Variants in CCAR1 observed in about 807,000 individuals in gnomAD.
CCAR1 encodes the protein cell division cycle and apoptosis regulator 1, also known as cell division cycle and apoptosis regulator protein 1.
A neutral mutation model predicts 163.8 loss-of-function variants in CCAR1; 78 were observed. That is an observed-to-expected ratio of 0.48 (90% confidence interval 0.40 to 0.57). The LOEUF (loss-of-function observed/expected upper bound fraction) is 0.57. Among genes scored for constraint, CCAR1 ranks in the 20% least tolerant of loss-of-function variants. CCAR1 has a pLI of 0.00. For missense variants in CCAR1, 1,019 were observed against 1,365.2 expected, an observed-to-expected ratio of 0.75 and a Z score of 4.00; for synonymous variants, 443 against 460.7, an observed-to-expected ratio of 0.96 and a Z score of 0.49.
intron 19 of CCAR1, among the ~76,000 whole-genome samples, chr10:68,779,475 T>G (rs2056709206): frequency 6.6e-6 from 1 of 151,714 alleles, no homozygotes; most frequent in South Asian, 2.1e-4. Context: ...GCCAGGCTGG[T>G]CTCGAACTCC....
chr10:68,769,818 G>C (rs2056580120), intron 17 of CCAR1, among the ~76,000 whole-genome samples: 2 of 151,558 alleles, frequency 1.3e-5, no homozygotes, highest in Admixed American at 1.3e-4. Context: ...GCAGGCGCTT[G>C]TAGGCCCAGC....
At chr10:68,746,876 C>T (rs184342088) in intron 6 of CCAR1, among the ~76,000 whole-genome samples, 4 of 152,148 alleles carry the variant, frequency 2.6e-5, no homozygotes, top group African/African-American at 9.6e-5. Context: ...CCACACCCAG[C>T]CCCATCTACT....
chr10:68,773,679 T>A (rs201959175), intron 19 of CCAR1, among the ~76,000 whole-genome samples: 7 of 138,090 alleles, frequency 5.1e-5, no homozygotes, highest in East Asian at 7.0e-4. Context: ...AAAAAAAAAA[T>A]GTATAATAGT....
chr10:68,780,528 C>T (rs1269923495), intron 19 of CCAR1, among the ~76,000 whole-genome samples: 1 of 152,162 alleles, frequency 6.6e-6, no homozygotes, highest in Non-Finnish European at 1.5e-5. Context: ...TTTAATAACA[C>T]CTTTATTGAA....
At chr10:68,772,225 A>G (rs909368818) in intron 18 of CCAR1, among the ~76,000 whole-genome samples, 3 of 152,196 alleles carry the variant, frequency 2.0e-5, no homozygotes, top group Admixed American at 1.3e-4. Flanking sequence ...GCTCGCTGCT[A>G]TAATCCCAGC....
At chr10:68,790,399 A>T (rs552656241) in intron 24 of CCAR1, among the ~76,000 whole-genome samples, 1 of 152,208 alleles carries the variant, frequency 6.6e-6, no homozygotes, top group Admixed American at 6.5e-5. Context: ...TGTTTTTCTA[A>T]ATCTTAGTTG....
At chr10:68,727,626 A>G (rs994364140) in intron 2 of CCAR1, among the ~76,000 whole-genome samples, 2 of 151,884 alleles carry the variant, frequency 1.3e-5, no homozygotes, top group Non-Finnish European at 2.9e-5. Flanking sequence ...TATTCTTAAT[A>G]TTTACCGTAT....
Position 68,742,462 on chromosome 10 carries a change from C to T in CCAR1, c.411C>T (p.Ser137=). The change falls in exon 6 of 25, where the codon TCC becomes TCT. Residue 137 remains serine, a synonymous_variant. Coordinates refer to ENST00000265872, the MANE Select transcript of CCAR1 (RefSeq NM_018237.4). Reference sequence around the variant, plus strand: ...CTGTATCATATCCAACACCAAGGTCCAGTCAACAGCAAACCCAGCCTCAGA... The same window carrying T: ...CTGTATCATATCCAACACCAAGGTCTAGTCAACAGCAAACCCAGCCTCAGA... The part of the protein sequence containing the change: ...QITVSYPTPR[S]SQQQTQPQKQ... 6.2e-7 allele frequency: 1 copy of T among 1,614,186 alleles called. No individual in the cohort carries two copies. Among genetic ancestry groups the T allele is most frequent in the Non-Finnish European group, 8.5e-7 (1 of 1,180,026 alleles).
At position 68,786,574 on chromosome 10, in the gene CCAR1, T is replaced by C; in HGVS notation, c.2762T>C (p.Ile921Thr). Residue 921 changes from isoleucine (I) to threonine (T), a missense_variant, in exon 21 of 25, where the codon ATT (isoleucine) becomes ACT (threonine). Coordinates refer to ENST00000265872, the MANE Select transcript of CCAR1 (RefSeq NM_018237.4). ...AAAGAAAAGACTCAAATGATCACAA[T>C]TAACAGAGATCTGTTAATGGCTTTT... ...KEKEKTQMIT[I>T]NRDLLMAFVY... is the part of the protein sequence containing the mutation. 6.3e-7 allele frequency: 1 copy of C among 1,590,426 alleles called. No individual in the cohort carries two copies. The highest frequency in any genetic ancestry group is 8.5e-7 in the Non-Finnish European group (1 of 1,170,924).
intron 1 of CCAR1, chr10:68,721,591 C>T (rs950031217): frequency 6.7e-6 from 3 of 449,522 alleles, no homozygotes; most frequent in African/African-American, 6.2e-5. Context: ...CGGTTTTACC[C>T]TCCTGGCCCC....
In CCAR1 at chr10:68,761,154, G is replaced by C; in HGVS notation, c.2068G>C (p.Asp690His). Residue 690 changes from aspartate to histidine, a missense_variant, in exon 16 of 25, where the codon GAT (aspartate) becomes CAT (histidine). Physicochemically the swap from Asp to His is moderately conservative, Grantham distance 81. This residue lies in a region of CCAR1 where 644 missense variants were observed against 904.4 expected (regional missense o/e 0.71). Transcript: ENST00000265872. ...GTTAGAGAAATCTGAAAAAGAAGAGGATGAGGATGATGATAGGAAATCTGA... is the reference window on the plus strand; with the variant it reads ...GTTAGAGAAATCTGAAAAAGAAGAGCATGAGGATGATGATAGGAAATCTGA... The part of the protein sequence containing the change: ...KELEKSEKEE[D>H]EDDDRKSEDD... The C allele has an allele frequency of 6.2e-7, 1 of 1,606,048 alleles. No individual in the cohort carries two copies. The highest frequency in any genetic ancestry group is 8.5e-7 in the Non-Finnish European group (1 of 1,177,416).
chr10:68,761,685 C>G (rs886956935), intron 16 of CCAR1, among the ~76,000 whole-genome samples: 10 of 151,864 alleles, frequency 6.6e-5, no homozygotes, highest in African/African-American at 2.2e-4. Context: ...TCACCACAAC[C>G]TCCACCTCCC....
intron 20 of CCAR1, 39 bp downstream of exon 20, chr10:68,786,257 A>T (rs183572343): frequency 7.8e-7 from 1 of 1,284,420 alleles, no homozygotes; most frequent in African/African-American, 1.5e-5. Flanking sequence ...ATATGGTGAT[A>T]TCTTACATCA....
chr10:68,781,575 G>A (rs901108551), intron 19 of CCAR1, among the ~76,000 whole-genome samples: 5 of 150,286 alleles, frequency 3.3e-5, no homozygotes, highest in Admixed American at 2.0e-4. Flanking sequence ...TAATAATTAG[G>A]CTGGGCTCAG....
At chr10:68,768,643 T>C (rs1430426049) in intron 17 of CCAR1, among the ~76,000 whole-genome samples, 1 of 152,014 alleles carries the variant, frequency 6.6e-6, no homozygotes, top group Non-Finnish European at 1.5e-5. Flanking sequence ...TTGCCATAAA[T>C]TGAAGTAATT....
intron 10 of CCAR1, among the ~76,000 whole-genome samples, chr10:68,752,353 T>C (rs1388622005): frequency 6.6e-6 from 1 of 152,216 alleles, no homozygotes; most frequent in African/African-American, 2.4e-5. Flanking sequence ...ACTAATATGA[T>C]TATAAGAAAC....
Position 68,788,017 on chromosome 10 carries a change from G to T in CCAR1, c.2971G>T (p.Glu991Ter). 6.2e-7 allele frequency: 1 copy of T among 1,609,666 alleles called. No homozygotes were observed. Residue 991 changes from glutamate to a stop codon, truncating the protein, a stop_gained, in exon 22 of 25, where the codon GAG becomes TAG. Transcript: ENST00000265872. LOFTEE classifies it high-confidence loss of function. ...CTCAAAAGATGAAGAGAACCATGAA[G>T]AGTCTGAGTCATTGCAGGAAGATAT... ...DTSKDEENHE[E>*]SESLQEDMLG...
intron 16 of CCAR1, 23 bp downstream of exon 16, chr10:68,761,215 T>C (rs753351754): frequency 2.8e-6 from 4 of 1,414,338 alleles, no homozygotes; most frequent in Non-Finnish European, 2.9e-6. Flanking sequence ...TCTATTATTA[T>C]ACTCTATGGT....
intron 5 of CCAR1, among the ~76,000 whole-genome samples, chr10:68,741,840 A>C (rs1459709302): frequency 6.6e-6 from 1 of 152,180 alleles, no homozygotes; most frequent in Non-Finnish European, 1.5e-5. Context: ...TTAGTCTTGA[A>C]TCTCTTCCTT....
Sources: allele counts gnomAD v4.1 joint callset (sites outside exome capture counted in the v4.1 genomes callset), GRCh38; gene constraint gnomAD v4.1.1; regional missense constraint gnomAD v4.1.1; transcripts MANE v1.5; gene names NCBI Gene and HGNC (gene_info 2026-07-23, HGNC 2026-07-21).